The following SLC7A13 variants were observed in gnomAD, a reference collection of about 807,000 sequenced individuals.
SLC7A13 encodes the protein X-amino acid transporter 2.
A neutral mutation model predicts 32.0 loss-of-function variants in SLC7A13; 31 were observed. The ratio of observed to expected loss-of-function variants is 0.97; its 90% CI spans 0.73 to 1.31. The LOEUF is 1.31. Among genes scored for constraint, SLC7A13 ranks in the 50% most tolerant of loss-of-function variants. The probability of loss-of-function intolerance (pLI) is 0.00; values close to 1 mark genes in which losing one functional copy is unlikely to be tolerated. For synonymous variants in SLC7A13, 232 were observed against 206.9 expected (o/e 1.12, Z -1.04); for missense variants, 633 against 546.9 (o/e 1.16, Z -1.57).
At chr8:86,229,083 G>T (rs1820439572) in intron 1 of SLC7A13, among the ~76,000 whole-genome samples, 1 of 152,094 alleles carries the variant, frequency 6.6e-6, no homozygotes, top group Non-Finnish European at 1.5e-5. Context: ...TGCTTGACGT[G>T]AAAATGGTCA....
chr8:86,217,752 T>C lies in SLC7A13; in HGVS notation c.897A>G (p.Leu299=). ...ATATAGAAATCAGAAGGTTGCTAAA[T>C]AATGAGGTAGAAATAGCAAAAGGCA... ...WIMPFAISTS[L]FSNLLISIFK... The change falls in exon 3 of 4, where the codon TTA becomes TTG. Residue 299 remains leucine (L), a synonymous_variant. Transcript: ENST00000297524. 6.2e-7 allele frequency: 1 copy of C among 1,613,064 alleles called. No homozygotes were observed. The highest frequency in any genetic ancestry group is 8.5e-7 in the Non-Finnish European group (1 of 1,179,520).
intron 2 of SLC7A13, among the ~76,000 whole-genome samples, chr8:86,222,095 A>C (rs1469654207): frequency 6.6e-6 from 1 of 152,098 alleles, no homozygotes; most frequent in African/African-American, 2.4e-5. Context: ...ATATGGCATC[A>C]CCCTGCAGGG....
intron 2 of SLC7A13, among the ~76,000 whole-genome samples, chr8:86,219,680 C>G (rs1214716815): frequency 6.6e-6 from 1 of 152,154 alleles, no homozygotes; most frequent in Non-Finnish European, 1.5e-5. Context: ...TTTTCATGTT[C>G]ATCTTGCTCT....
intron 1 of SLC7A13, among the ~76,000 whole-genome samples, chr8:86,228,136 C>T (rs1478524907): frequency 1.3e-5 from 2 of 152,146 alleles, no homozygotes; most frequent in African/African-American, 4.8e-5. Context: ...AAATCCAGCA[C>T]TTGTTGCTCT....
At chr8:86,215,301 A>G (rs1463431732) in intron 3 of SLC7A13, among the ~76,000 whole-genome samples, 1 of 152,162 alleles carries the variant, frequency 6.6e-6, no homozygotes, top group African/African-American at 2.4e-5. Context: ...ATATGAATCT[A>G]TATTCCCCAA....
chr8:86,224,823 G>C (rs1011653087), intron 1 of SLC7A13, among the ~76,000 whole-genome samples: 4 of 151,922 alleles, frequency 2.6e-5, no homozygotes, highest in African/African-American at 9.7e-5. Flanking sequence ...ACGTAATGGT[G>C]TTAAAAAAGA....
rs1188548826 is a variant in SLC7A13 at position 86,229,885 on chromosome 8, C to G, written c.393G>C (p.Lys131Asn). ...CCAATGCCAGACATTTCTTAGGCAG[C>G]TTTGGGACAGAGCAGCTGGGAAAAA... ...QPFFPSCSVP[K>N]LPKKCLALAM... The change falls in exon 1 of 4, where the codon AAG (lysine) becomes AAC (asparagine). Residue 131 changes from lysine (K) to asparagine (N), a missense_variant. By Grantham distance (94) the Lys-to-Asn change is moderately conservative (BLOSUM62 0). Transcript: ENST00000297524. The G allele has an allele frequency of 1.2e-6, 2 of 1,614,032 alleles. No individual in the cohort carries two copies. The highest frequency in any genetic ancestry group is 1.7e-6 in the Non-Finnish European group (2 of 1,180,046).
In SLC7A13 at chr8:86,223,113, A is replaced by C; in HGVS notation, c.686-10T>G. ...GGCTTCTTCAGCTCCCCTATAACAC[A>C]AAAGAGGACACAACCATAATTGGTA... On this transcript the variant is annotated splice_polypyrimidine_tract_variant and intron_variant, in intron 1 of 3. Coordinates refer to ENST00000297524, the MANE Select transcript of SLC7A13 (RefSeq NM_138817.3). 6.4e-7 allele frequency: 1 copy of C among 1,569,544 alleles called. No individual in the cohort carries two copies. The highest frequency in any genetic ancestry group is 8.6e-7 in the Non-Finnish European group (1 of 1,162,426).
intron 2 of SLC7A13, among the ~76,000 whole-genome samples, chr8:86,220,145 C>A (rs530529834): frequency 1.3e-5 from 2 of 152,182 alleles, no homozygotes; most frequent in African/African-American, 4.8e-5. Flanking sequence ...GACAGGGAAA[C>A]CTCAGCTTCT....
Position 86,214,586 on chromosome 8 carries a change from A to G in SLC7A13, c.1240T>C (p.Leu414=). 1.2e-6 allele frequency: 2 copies of G among 1,613,830 alleles called. No homozygotes were observed. Among genetic ancestry groups the G allele is most frequent in the Non-Finnish European group, 1.7e-6 (2 of 1,179,844 alleles). Residue 414 remains leucine, a synonymous_variant, in exon 4 of 4, where the codon TTG becomes CTG. Transcript: ENST00000297524. ...VIDVGLVVIP[L]VKSPNVHYVY... is the part of the protein sequence containing the mutation. ...TAATGCACATTTGGAGACTTTACCA[A>G]TGGTATCACAACCAAGCCCACGTCG... is the stretch of plus-strand genomic sequence containing the variant.
At position 86,229,598 on chromosome 8, in the gene SLC7A13, A is replaced by G. The variant is rs532897792; in HGVS notation, c.680T>C (p.Ile227Thr). 6.2e-6 allele frequency: 10 copies of G among 1,611,720 alleles called. No individual in the cohort carries two copies. The highest frequency in any genetic ancestry group is 5.5e-5 in the South Asian group (5 of 90,814). ...TTTCCTCAATGGATTGTTACCTGCT[A>G]TAAGTGTAAAGCATGCCCCGCCTGA... ...AYSGGACFTLIAGELKKPRTT... is the reference protein window; with the variant it reads ...AYSGGACFTLTAGELKKPRTT... The change falls in exon 1 of 4, where the codon ATA becomes ACA. Residue 227 changes from isoleucine to threonine, a missense_variant. By Grantham distance (89) the Ile-to-Thr change is moderately conservative. Transcript: ENST00000297524.
chr8:86,219,288 A>G (rs1413353949), intron 2 of SLC7A13, among the ~76,000 whole-genome samples: 4 of 152,146 alleles, frequency 2.6e-5, no homozygotes, highest in Non-Finnish European at 4.4e-5. Flanking sequence ...TGCATTCTAC[A>G]AATGTGGTTA....
At chr8:86,227,627 C>T (rs1322470456) in intron 1 of SLC7A13, among the ~76,000 whole-genome samples, 6 of 152,324 alleles carry the variant, frequency 3.9e-5, no homozygotes, top group Non-Finnish European at 8.8e-5. Context: ...ATCAAAAAGA[C>T]TTCCGCACTT....
intron 1 of SLC7A13, among the ~76,000 whole-genome samples, chr8:86,226,113 T>C (rs1172744552): frequency 1.3e-5 from 2 of 152,160 alleles, no homozygotes; most frequent in African/African-American, 4.8e-5. Context: ...AACTCCATAA[T>C]AGTTTATAGG....
At chr8:86,217,881 C>G in intron 2 of SLC7A13, 50 bp from the exon 3 acceptor site, 1 of 1,470,510 alleles carries the variant, frequency 6.8e-7, no homozygotes, top group South Asian at 1.5e-5. Flanking sequence ...AAGAGAAATA[C>G]TAATGATAAA....
intron 1 of SLC7A13, among the ~76,000 whole-genome samples, chr8:86,223,786 C>A (rs1820344188): frequency 7.5e-6 from 1 of 133,346 alleles, no homozygotes; most frequent in Non-Finnish European, 1.6e-5. Context: ...TACACATACA[C>A]TAAAATGCAC....
At chr8:86,226,439 G>A (rs887073650) in intron 1 of SLC7A13, among the ~76,000 whole-genome samples, 4 of 152,048 alleles carry the variant, frequency 2.6e-5, no homozygotes, top group African/African-American at 4.8e-5. Flanking sequence ...CAATGATGGC[G>A]CTCCAACCAG....
chr8:86,229,558 A>G lies in SLC7A13; in HGVS notation c.685+35T>C, dbSNP rs370235421. 3.9e-6 allele frequency: 6 copies of G among 1,524,788 alleles called. No individual in the cohort carries two copies. In the African/African-American group the frequency reaches 8.9e-5, roughly 23 times the overall value. 94.5% of individuals were successfully genotyped at this position (1,524,788 alleles called of 1,614,324 possible). On this transcript the variant is annotated intron_variant, in intron 1 of 3. Coordinates refer to ENST00000297524, the MANE Select transcript of SLC7A13 (RefSeq NM_138817.3). ...CATTTCATATTGTATGCAATAAGTCATGATTTTAGATTTTTTTCCTCAATG... is the reference window on the plus strand; with the variant it reads ...CATTTCATATTGTATGCAATAAGTCGTGATTTTAGATTTTTTTCCTCAATG...
chr8:86,216,119 A>G (rs1465859410), intron 3 of SLC7A13, among the ~76,000 whole-genome samples: 1 of 152,192 alleles, frequency 6.6e-6, no homozygotes, highest in Non-Finnish European at 1.5e-5. Flanking sequence ...TTATACTGTT[A>G]TTTGTATATA....
Sources: allele counts gnomAD v4.1 joint callset (sites outside exome capture counted in the v4.1 genomes callset), GRCh38; gene constraint gnomAD v4.1.1; transcripts MANE v1.5; gene names NCBI Gene and HGNC (gene_info 2026-07-23, HGNC 2026-07-21).